Variants in CNTNAP5 observed in about 807,000 individuals in gnomAD.
The protein encoded by CNTNAP5 is contactin associated protein family member 5, also known as contactin-associated protein-like 5.
In CNTNAP5, 72 loss-of-function variants were observed where a neutral mutation model predicts 150.2. The ratio of observed to expected loss-of-function variants is 0.48; its 90% CI spans 0.40 to 0.58. CNTNAP5 has a LOEUF of 0.58. Ranked by LOEUF, CNTNAP5 falls within the 20% of genes least tolerant of loss-of-function variation. The probability of loss-of-function intolerance (pLI) is 0.00; values close to 1 mark genes in which losing one functional copy is unlikely to be tolerated. For synonymous variants in CNTNAP5, 672 were observed against 619.8 expected (o/e 1.08, Z -1.25); for missense variants, 1,636 against 1,626.2 (o/e 1.01, Z -0.10).
chr2:124,490,537 G>C (rs1423354210), intron 7 of CNTNAP5, among the ~76,000 whole-genome samples: 1 of 152,020 alleles, frequency 6.6e-6, no homozygotes, highest in African/African-American at 2.4e-5. Flanking sequence ...GTATATAAGA[G>C]TTCTTATGTA....
In CNTNAP5 at chr2:124,106,516, G is replaced by A. The variant is rs536771185; in HGVS notation, c.82+80784G>A. On this transcript the variant is annotated intron_variant, in intron 1 of 23. Coordinates refer to ENST00000682447, the MANE Select transcript of CNTNAP5 (RefSeq NM_001367498.1). ...TAAACCTCCATTAAAGCCTGTAAAG[G>A]GGTTTGGAAAGCATCTGTGTCAGTG... Among the ~76,000 whole-genome samples the A allele has an allele frequency of 9.2e-5, 14 of 152,242 alleles. No homozygotes were observed. In the South Asian group the frequency reaches 2.7e-3, roughly 29 times the overall value.
chr2:124,361,042 G>C (rs1302233954), intron 3 of CNTNAP5, among the ~76,000 whole-genome samples: 1 of 123,854 alleles, frequency 8.1e-6, no homozygotes, highest in Admixed American at 8.1e-5. Flanking sequence ...TTCCCTTCTC[G>C]CTTCATTTCA....
At chr2:124,270,278 C>T (rs1687713841) in intron 3 of CNTNAP5, among the ~76,000 whole-genome samples, 1 of 151,882 alleles carries the variant, frequency 6.6e-6, no homozygotes, top group African/African-American at 2.4e-5. Context: ...CACTACACTC[C>T]AGCCTGGATG....
chr2:124,609,603 G>A (rs547793012), intron 11 of CNTNAP5, among the ~76,000 whole-genome samples, 198 bp from the exon 12 acceptor site: 6 of 152,024 alleles, frequency 3.9e-5, no homozygotes, highest in African/African-American at 1.2e-4. Context: ...GAGAGAGAGA[G>A]ATGAATGGAA....
intron 3 of CNTNAP5, among the ~76,000 whole-genome samples, chr2:124,253,566 G>A (rs1434408430): frequency 1.3e-5 from 2 of 152,184 alleles, no homozygotes; most frequent in East Asian, 3.9e-4. Context: ...TCCCTAATCA[G>A]CAGGACCTCA....
intron 19 of CNTNAP5, among the ~76,000 whole-genome samples, chr2:124,837,211 A>G (rs75544345): frequency 1.8e-3 from 273 of 152,118 alleles, no homozygotes; most frequent in African/African-American, 6.3e-3. Context: ...TGCAGATTTT[A>G]GAAAGTTACT....
chr2:124,402,835 A>C (rs1342262598), intron 3 of CNTNAP5, among the ~76,000 whole-genome samples: 3 of 152,192 alleles, frequency 2.0e-5, no homozygotes, highest in African/African-American at 7.2e-5. Flanking sequence ...TGTCTCCTCA[A>C]ATCTATCATT....
rs985293037 is a variant in CNTNAP5 at position 124,071,971 on chromosome 2, A to G, written c.82+46239A>G. ...CAATATTCAAGATGAATATTGATGC[A>G]AAAACTCTCAACAAAATACTAGCAA... On this transcript the variant is annotated intron_variant, in intron 1 of 23. Coordinates refer to ENST00000682447, the MANE Select transcript of CNTNAP5 (RefSeq NM_001367498.1). 3.3e-5 allele frequency among the ~76,000 whole-genome samples: 5 copies of G among 152,168 alleles called. No homozygotes were observed. In the East Asian group the frequency reaches 9.6e-4, roughly 29 times the overall value.
chr2:124,374,613 G>A (rs1467099213), intron 3 of CNTNAP5, among the ~76,000 whole-genome samples: 3 of 152,264 alleles, frequency 2.0e-5, no homozygotes, highest in South Asian at 2.1e-4. Flanking sequence ...TGACTTAATC[G>A]ATGATCTGTG....
chr2:124,460,709 G>A (rs946697087), intron 6 of CNTNAP5, among the ~76,000 whole-genome samples: 2 of 152,096 alleles, frequency 1.3e-5, no homozygotes, highest in African/African-American at 2.4e-5. Context: ...TTCCTAATAG[G>A]TTCTCCATGC....
At chr2:124,290,989 C>T (rs1044112418) in intron 3 of CNTNAP5, among the ~76,000 whole-genome samples, 14 of 152,036 alleles carry the variant, frequency 9.2e-5, no homozygotes, top group African/African-American at 2.2e-4. Context: ...TGTGTGAAAA[C>T]TTGCCACAGT....
chr2:124,140,082 G>A (rs1264938858), intron 1 of CNTNAP5, among the ~76,000 whole-genome samples: 13 of 151,860 alleles, frequency 8.6e-5, no homozygotes, highest in African/African-American at 2.2e-4. Flanking sequence ...TTTTCAGACC[G>A]GCTTAAAAAA....
chr2:124,906,936 G>T (rs934628788), intron 22 of CNTNAP5, among the ~76,000 whole-genome samples: 3 of 152,026 alleles, frequency 2.0e-5, no homozygotes, highest in Non-Finnish European at 4.4e-5. Context: ...AGTTAGTGGA[G>T]ATAACAAAAA....
chr2:124,820,210 G>A (rs192477298), intron 19 of CNTNAP5, among the ~76,000 whole-genome samples: 3 of 152,274 alleles, frequency 2.0e-5, no homozygotes, highest in East Asian at 1.9e-4. Context: ...GAAGGTAGAT[G>A]TGATGTCAAA....
intron 1 of CNTNAP5, among the ~76,000 whole-genome samples, chr2:124,193,848 G>A (rs927369134): frequency 2.0e-5 from 3 of 152,102 alleles, no homozygotes; most frequent in African/African-American, 7.2e-5. Flanking sequence ...GAAAGAGAGG[G>A]TGGAGAGGGA....
chr2:124,262,397 A>G (rs528416386), intron 3 of CNTNAP5, among the ~76,000 whole-genome samples: 5 of 152,258 alleles, frequency 3.3e-5, no homozygotes, highest in African/African-American at 4.8e-5. Context: ...AATACCTCAA[A>G]TTAGATTACA....
chr2:124,763,153 C>T (rs1680993550), intron 14 of CNTNAP5, among the ~76,000 whole-genome samples: 1 of 151,716 alleles, frequency 6.6e-6, no homozygotes, highest in Non-Finnish European at 1.5e-5. Flanking sequence ...TCTTTAAGAA[C>T]AAAATGAAAA....
intron 1 of CNTNAP5, among the ~76,000 whole-genome samples, chr2:124,159,243 T>A (rs1339030133): frequency 6.6e-6 from 1 of 152,174 alleles, no homozygotes; most frequent in African/African-American, 2.4e-5. Flanking sequence ...GATATCTCAG[T>A]TTGTGAGTTG....
chr2:124,497,677 C>T (rs1694182893), intron 7 of CNTNAP5, among the ~76,000 whole-genome samples: 1 of 152,134 alleles, frequency 6.6e-6, no homozygotes, highest in African/African-American at 2.4e-5. Context: ...GGTTTCTATG[C>T]CACGTGCTGA....
Sources: gnomAD v4.1 joint callset for allele counts (sites outside exome capture counted in the v4.1 genomes callset) on GRCh38, gnomAD v4.1.1 for gene constraint, MANE v1.5 for transcripts, NCBI Gene and HGNC (gene_info 2026-07-23, HGNC 2026-07-21) for gene names.